CTBP2: variants seen among roughly 807,000 people sequenced by gnomAD.
CTBP2 encodes C-terminal-binding protein 2.
Under a neutral mutation model 80.3 loss-of-function variants are expected in CTBP2, and 30 were observed. The ratio of observed to expected loss-of-function variants is 0.37; its 90% CI spans 0.28 to 0.51. CTBP2 has a LOEUF of 0.51. Among genes scored for constraint, CTBP2 ranks in the 20% least tolerant of loss-of-function variants. CTBP2 has a pLI of 0.93. For synonymous variants in CTBP2, 594 were observed against 587.4 expected, an observed-to-expected ratio of 1.01 and a Z score of -0.16; for missense variants, 1,212 against 1,375.3, an observed-to-expected ratio of 0.88 and a Z score of 1.88.
At position 124,987,125 on chromosome 10, in the gene CTBP2, A is replaced by G. The variant is rs756129116; in HGVS notation, c.*2393T>C. On this transcript the variant is annotated 3_prime_UTR_variant, in exon 9 of 9. Coordinates refer to ENST00000309035, the MANE Select transcript of CTBP2 (RefSeq NM_022802.3). ...TCATAGACTGGCTGTTAAAGGCCAA[A>G]AATTTTGGTAAATCAATGCTATATT... is the stretch of plus-strand genomic sequence containing the variant. 5.2e-5 allele frequency: 8 copies of G among 152,618 alleles called. No homozygotes were observed. The highest frequency in any genetic ancestry group is 1.2e-4 in the Non-Finnish European group (8 of 68,038). The allele number at this position is 152,618 out of a possible 1,614,324, so 9.5% of individuals were successfully genotyped here.
intron 1 of CTBP2, among the ~76,000 whole-genome samples, chr10:125,123,184 G>GTCCTGGCCACC (rs1465208230): frequency 6.6e-6 from 1 of 151,996 alleles, no homozygotes; most frequent in African/African-American, 2.4e-5. Flanking sequence ...GCTGGGGACC[G>GTCCTGGCCACC]TCCTGGCCAC....
chr10:125,128,590 G>A (rs1027629037), intron 1 of CTBP2, among the ~76,000 whole-genome samples: 4 of 152,188 alleles, frequency 2.6e-5, no homozygotes, highest in Non-Finnish European at 5.9e-5. Flanking sequence ...CCTGCTAGTA[G>A]GGAGGTGGGG....
chr10:125,016,920 G>C (rs193093906), intron 1 of CTBP2, among the ~76,000 whole-genome samples: 2 of 152,218 alleles, frequency 1.3e-5, no homozygotes, highest in African/African-American at 4.8e-5. Context: ...GTGGGGAAAC[G>C]TGTTGGGTTG....
chr10:125,105,498 A>T (rs184024580), intron 2 of CTBP2, among the ~76,000 whole-genome samples: 13 of 152,238 alleles, frequency 8.5e-5, no homozygotes, highest in Admixed American at 7.8e-4. Context: ...AAAATTACTG[A>T]AAGTAACCAG....
intron 1 of CTBP2, among the ~76,000 whole-genome samples, chr10:125,123,697 GCA>G (rs759187828): frequency 1.3e-5 from 2 of 152,172 alleles, no homozygotes; most frequent in Non-Finnish European, 2.9e-5. Context: ...GCCCCGGGGT[GCA>G]TCCTGTCTCT....
chr10:125,039,567 G>A (rs1456217585), intron 2 of CTBP2, among the ~76,000 whole-genome samples: 9 of 152,218 alleles, frequency 5.9e-5, no homozygotes, highest in Admixed American at 2.6e-4. Flanking sequence ...ACACCGTGGC[G>A]ACTCGAGGGG....
chr10:125,082,855 C>G lies in CTBP2; in HGVS notation c.-102+28135G>C, dbSNP rs538034937. Among the ~76,000 whole-genome samples the G allele has an allele frequency of 3.9e-5, 6 of 152,334 alleles. No homozygotes were observed. The South Asian group carries it at 1.2e-3, about 32-fold the overall frequency. On this transcript the variant is annotated intron_variant, in intron 2 of 10. Transcript: ENST00000337195. Reference sequence around the variant, plus strand: ...CCGCTCGCCTCGGCCTCCTGAAGTGCTGGGATTATAGGCGTGAGCCCCTGC... The same window carrying G: ...CCGCTCGCCTCGGCCTCCTGAAGTGGTGGGATTATAGGCGTGAGCCCCTGC...
chr10:125,013,097 T>G (rs951735559), intron 1 of CTBP2, among the ~76,000 whole-genome samples: 17 of 152,292 alleles, frequency 1.1e-4, no homozygotes, highest in Middle Eastern at 3.4e-3. Flanking sequence ...GCTGCCAGCA[T>G]GTGGTTCCAG....
intron 1 of CTBP2, chr10:125,133,470 A>G: frequency 6.6e-6 from 1 of 152,390 alleles, no homozygotes; most frequent in Non-Finnish European, 1.5e-5. Context: ...TGCAACGATC[A>G]GGCCAGAAAC....
rs1001548926 is a variant in CTBP2, at chr10:124,988,881, ACT to A, written c.*635_*636del. The A allele has an allele frequency of 4.8e-5, 3 of 62,170 alleles. No homozygotes were observed. Among genetic ancestry groups the A allele is most frequent in the Admixed American group, 2.3e-4 (1 of 4,394 alleles). The allele number at this position is 62,170 out of a possible 1,614,324, so 3.9% of individuals were successfully genotyped here. A position where few individuals can be genotyped will look rare whatever the true frequency, so the allele number is the denominator to read the frequency against. ...GTACAAACAGCTTGTGAAACTTAAT[ACT>A]TTTTTTTTTTTTTTTGCATCATCAG... is the stretch of plus-strand genomic sequence containing the variant. On this transcript the variant is annotated 3_prime_UTR_variant, in exon 9 of 9. Coordinates refer to ENST00000309035, the MANE Select transcript of CTBP2 (RefSeq NM_022802.3).
intron 2 of CTBP2, among the ~76,000 whole-genome samples, chr10:125,062,542 G>A (rs1256381430): frequency 6.6e-6 from 1 of 151,728 alleles, no homozygotes; most frequent in Admixed American, 6.6e-5. Flanking sequence ...GTTAGAGTTA[G>A]GGTTAGGGTC....
intron 1 of CTBP2, among the ~76,000 whole-genome samples, chr10:125,016,118 A>G (rs1170866515): frequency 6.6e-6 from 1 of 152,138 alleles, no homozygotes; most frequent in East Asian, 1.9e-4. Context: ...GGGGTCTGGG[A>G]CCCTTTGGTG....
At chr10:125,136,934 CG>C (rs1238671266) in intron 1 of CTBP2, among the ~76,000 whole-genome samples, 2 of 152,164 alleles carry the variant, frequency 1.3e-5, no homozygotes. Flanking sequence ...AAATGGGCTC[CG>C]GGCTCGTGTC....
In CTBP2 at chr10:125,025,761, T is replaced by A. The variant is rs1448635138; in HGVS notation, c.1678+321A>T. 3.3e-5 allele frequency among the ~76,000 whole-genome samples: 5 copies of A among 152,348 alleles called. 1 individual carries two copies. In the South Asian group the frequency reaches 8.3e-4, roughly 25 times the overall value. On this transcript the variant is annotated intron_variant, in intron 1 of 8. Transcript: ENST00000309035. ...CCCTCGTGAGCTCAAGGCTGCAGTC[T>A]GTTCTGAGTGACTTGCGACTTTCTC...
At chr10:125,007,988 C>G (rs551435538) in intron 1 of CTBP2, among the ~76,000 whole-genome samples, 1 of 152,020 alleles carries the variant, frequency 6.6e-6, no homozygotes, top group South Asian at 2.1e-4. Flanking sequence ...CTTTTGTTGC[C>G]CAGGCTGGAA....
At chr10:125,149,652 C>T (rs748700644) in intron 1 of CTBP2, among the ~76,000 whole-genome samples, 1 of 152,184 alleles carries the variant, frequency 6.6e-6, no homozygotes, top group Non-Finnish European at 1.5e-5. Context: ...AGTGTACACA[C>T]GTGTTCACAA....
chr10:125,033,580 C>T (rs3781397), intron 3 of CTBP2, among the ~76,000 whole-genome samples: 1 of 152,108 alleles, frequency 6.6e-6, no homozygotes, highest in Non-Finnish European at 1.5e-5. Context: ...GTGTGAAGCG[C>T]GCAGAAGGTT....
chr10:125,063,284 G>C (rs965807544), intron 2 of CTBP2, among the ~76,000 whole-genome samples: 2 of 152,290 alleles, frequency 1.3e-5, no homozygotes, highest in African/African-American at 4.8e-5. Flanking sequence ...AATCGGTCTG[G>C]TGGGGAAAAA....
chr10:125,012,566 C>G (rs939006319), intron 1 of CTBP2, among the ~76,000 whole-genome samples: 4 of 152,200 alleles, frequency 2.6e-5, no homozygotes, highest in Admixed American at 1.3e-4. Flanking sequence ...CCTCTGCATA[C>G]CCCACTCGTG....
Sources: gnomAD v4.1 joint callset for allele counts (sites outside exome capture counted in the v4.1 genomes callset) on GRCh38, gnomAD v4.1.1 for gene constraint, MANE v1.5 for transcripts, NCBI Gene and HGNC (gene_info 2026-07-23, HGNC 2026-07-21) for gene names.